Variants in DPYD observed in about 807,000 individuals in gnomAD.
The protein encoded by DPYD is dihydropyrimidine dehydrogenase.
In DPYD, 109 loss-of-function variants were observed where a neutral mutation model predicts 116.2. The ratio of observed to expected loss-of-function variants is 0.94; its 90% CI spans 0.80 to 1.10. The LOEUF (loss-of-function observed/expected upper bound fraction) is 1.10. DPYD is among the 50% of genes least tolerant of loss of function. The pLI is 0.00. For missense variants in DPYD, 1,302 were observed against 1,254.5 expected (o/e 1.04, Z -0.57); for synonymous variants, 440 against 432.0 (o/e 1.02, Z -0.23).
rs1373058882 is a variant in DPYD at position 97,082,367 on chromosome 1, C to A, written c.2870G>T (p.Gly957Val). Reference sequence around the variant, plus strand: ...ATCATTACAGGTCATGTAGCATTTACCACAGTTGATACACATTTCTTCATC... The same window carrying A: ...ATCATTACAGGTCATGTAGCATTTAACACAGTTGATACACATTTCTTCATC... ...MIDEEMCINCGKCYMTCNDSG... is the reference protein window; with the variant it reads ...MIDEEMCINCVKCYMTCNDSG... The change falls in exon 22 of 23, where the codon GGT (glycine) becomes GTT (valine). Residue 957 changes from glycine to valine, a missense_variant. By Grantham distance (109) the Gly-to-Val change is moderately radical. Transcript: ENST00000370192. The A allele has an allele frequency of 1.2e-6, 2 of 1,613,458 alleles. No homozygotes were observed. Among genetic ancestry groups the A allele is most frequent in the Admixed American group, 1.7e-5 (1 of 59,976 alleles).
At chr1:97,225,518 T>G (rs1020484187) in intron 19 of DPYD, among the ~76,000 whole-genome samples, 2 of 151,786 alleles carry the variant, frequency 1.3e-5, no homozygotes, top group African/African-American at 2.4e-5. Flanking sequence ...TTCACATTTT[T>G]TTTCTTCAAA....
intron 18 of DPYD, among the ~76,000 whole-genome samples, chr1:97,249,324 A>AG (rs1318327429): frequency 2.6e-5 from 4 of 152,126 alleles, no homozygotes; most frequent in African/African-American, 9.7e-5. Flanking sequence ...CAGTTCAATG[A>AG]GGGGAAAAAA....
chr1:97,407,298 A>G (rs1244946169), intron 14 of DPYD, among the ~76,000 whole-genome samples: 1 of 152,214 alleles, frequency 6.6e-6, no homozygotes, highest in Admixed American at 6.6e-5. Flanking sequence ...GATTATTAAA[A>G]CATTTTCTTT....
chr1:97,563,843 A>G (rs1652335571), intron 11 of DPYD, among the ~76,000 whole-genome samples: 1 of 152,178 alleles, frequency 6.6e-6, no homozygotes, highest in Admixed American at 6.5e-5. Flanking sequence ...ATAATTCCAA[A>G]GAAAACCTGT....
intron 4 of DPYD, among the ~76,000 whole-genome samples, chr1:97,738,908 G>T (rs1664105836): frequency 6.6e-6 from 1 of 151,952 alleles, no homozygotes; most frequent in South Asian, 2.1e-4. Context: ...AATCCTTTTT[G>T]TCTTTTTTTC....
At chr1:97,336,616 G>A (rs117967363) in intron 16 of DPYD, among the ~76,000 whole-genome samples, 5,875 of 152,224 alleles carry the variant, frequency 0.039, 159 homozygotes, top group East Asian at 0.083. Flanking sequence ...CTGGCACGGT[G>A]GCGTGTACCT....
At chr1:97,816,774 A>G (rs1463175342) in intron 3 of DPYD, among the ~76,000 whole-genome samples, 1 of 152,140 alleles carries the variant, frequency 6.6e-6, no homozygotes, top group African/African-American at 2.4e-5. Context: ...TGTCTGTTTA[A>G]TTCCTAATCA....
At chr1:97,494,396 T>A (rs1263922871) in intron 13 of DPYD, among the ~76,000 whole-genome samples, 1 of 152,098 alleles carries the variant, frequency 6.6e-6, no homozygotes, top group South Asian at 2.1e-4. Context: ...ATGATAGAAC[T>A]GAAAAGAGCT....
intron 8 of DPYD, among the ~76,000 whole-genome samples, chr1:97,665,620 G>T (rs1378776328): frequency 3.3e-5 from 5 of 152,094 alleles, no homozygotes; most frequent in Non-Finnish European, 7.4e-5. Context: ...TCTAAATGAA[G>T]AAAAATCACA....
chr1:97,840,684 G>A (rs536194164), intron 2 of DPYD, among the ~76,000 whole-genome samples: 1 of 152,044 alleles, frequency 6.6e-6, no homozygotes, highest in Non-Finnish European at 1.5e-5. Context: ...GTGCACAAAT[G>A]ATGTGAAATC....
intron 14 of DPYD, among the ~76,000 whole-genome samples, chr1:97,388,709 A>C (rs1310955708): frequency 1.3e-5 from 2 of 152,168 alleles, no homozygotes; most frequent in Non-Finnish European, 2.9e-5. Flanking sequence ...GAGGCAATAC[A>C]TGAATCTCTC....
intron 1 of DPYD, among the ~76,000 whole-genome samples, chr1:97,899,214 A>C (rs59356371): frequency 0.02 from 3,003 of 151,786 alleles, 90 homozygotes; most frequent in African/African-American, 0.065. Context: ...CTGAACCTTG[A>C]ATAACTGAAG....
In DPYD at chr1:97,593,395, A is replaced by T; in HGVS notation, c.959-8T>A. On this transcript the variant is annotated splice_region_variant and splice_polypyrimidine_tract_variant and intron_variant, in intron 9 of 22. Coordinates refer to ENST00000370192, the MANE Select transcript of DPYD (RefSeq NM_000110.4). Reference sequence around the variant, plus strand: ...AGTGACAGGCGCACATTCCTGAATGATGAAAGGAAAACCCCATTTTCAAGT... The same window carrying T: ...AGTGACAGGCGCACATTCCTGAATGTTGAAAGGAAAACCCCATTTTCAAGT... 5.6e-6 allele frequency: 9 copies of T among 1,614,040 alleles called. No homozygotes were observed. Among genetic ancestry groups the T allele is most frequent in the Non-Finnish European group, 7.6e-6 (9 of 1,179,994 alleles).
intron 20 of DPYD, among the ~76,000 whole-genome samples, chr1:97,165,679 A>G (rs1485640355): frequency 6.6e-6 from 1 of 152,206 alleles, no homozygotes; most frequent in East Asian, 1.9e-4. Context: ...TGTATCGAAC[A>G]AAGATCTAAT....
chr1:97,114,865 T>C (rs1651855628), intron 20 of DPYD, among the ~76,000 whole-genome samples: 1 of 152,216 alleles, frequency 6.6e-6, no homozygotes, highest in Non-Finnish European at 1.5e-5. Context: ...TAAATGCAAA[T>C]TACTGCTAAA....
intron 16 of DPYD, among the ~76,000 whole-genome samples, chr1:97,360,642 T>A (rs1208505946): frequency 6.6e-6 from 1 of 152,174 alleles, no homozygotes; most frequent in Non-Finnish European, 1.5e-5. Context: ...AACTCAGGAT[T>A]AAGAAACTCA....
chr1:97,183,886 G>A (rs1029579061), intron 20 of DPYD, among the ~76,000 whole-genome samples: 1 of 151,996 alleles, frequency 6.6e-6, no homozygotes, highest in African/African-American at 2.4e-5. Flanking sequence ...GTGCCCAGTA[G>A]TTATTTTTTT....
At chr1:97,302,690 G>A (rs1666932527) in intron 18 of DPYD, among the ~76,000 whole-genome samples, 1 of 152,050 alleles carries the variant, frequency 6.6e-6, no homozygotes, top group South Asian at 2.1e-4. Flanking sequence ...AGTTAACTAA[G>A]TAAAAAGTGC....
At chr1:97,522,841 CAT>C (rs1648783650) in intron 12 of DPYD, among the ~76,000 whole-genome samples, 1 of 152,138 alleles carries the variant, frequency 6.6e-6, no homozygotes, top group African/African-American at 2.4e-5. Context: ...GCAGAACTAA[CAT>C]ATACTTCCTA....
Sources: allele counts gnomAD v4.1 joint callset (sites outside exome capture counted in the v4.1 genomes callset), GRCh38; gene constraint gnomAD v4.1.1; transcripts MANE v1.5; gene names NCBI Gene and HGNC (gene_info 2026-07-23, HGNC 2026-07-21).